Variants in KLF15 observed in about 807,000 individuals in gnomAD.
The protein encoded by KLF15 is Krueppel-like factor 15.
Under a neutral mutation model 24.6 loss-of-function variants are expected in KLF15, and 4 were observed. The ratio of observed to expected loss-of-function variants is 0.16; its 90% CI spans 0.08 to 0.37. KLF15 has a LOEUF of 0.37. Ranked by LOEUF, KLF15 falls within the 10% of genes least tolerant of loss-of-function variation. KLF15 has a pLI of 1.00. For synonymous variants in KLF15, 246 were observed against 236.3 expected, an observed-to-expected ratio of 1.04 and a Z score of -0.37; for missense variants, 496 against 560.6, an observed-to-expected ratio of 0.88 and a Z score of 1.16.
At chr3:126,345,811 G>A (rs2082531335) in intron 2 of KLF15, among the ~76,000 whole-genome samples, 2 of 152,220 alleles carry the variant, frequency 1.3e-5, no homozygotes, top group East Asian at 1.9e-4. Context: ...AGGGCCTGCA[G>A]GAGGAGACAG....
chr3:126,321,668 T>C, the KLF15 span, among the ~76,000 whole-genome samples: 104,061 of 152,142 alleles, frequency 0.68, 36,105 homozygotes, highest in African/African-American at 0.81. Context: ...TGTCCACTAG[T>C]GGACATGTCC....
chr3:126,323,473 T>TTATA, the KLF15 span, among the ~76,000 whole-genome samples: 5 of 64,622 alleles, frequency 7.7e-5, no homozygotes, highest in Non-Finnish European at 1.1e-4. Flanking sequence ...CATATATATG[T>TTATA]TATATATATA....
downstream of KLF15, among the ~76,000 whole-genome samples, chr3:126,341,070 A>G (rs540100807): frequency 2.3e-4 from 35 of 152,294 alleles, 1 homozygote; most frequent in South Asian, 7.0e-3. Flanking sequence ...GGAGCCCAGG[A>G]TCAACAGGCA....
rs772319018 is a variant in KLF15, at chr3:126,351,928, T to A, written c.995A>T (p.Tyr332Phe). Residue 332 changes from tyrosine (Y) to phenylalanine (F), a missense_variant, in exon 2 of 3, where the codon TAC becomes TTC. Transcript: ENST00000296233. ...GGCCTTGAGGTGGCTGCTTTTGGTGTACATCTTGCTGCAGCCAGGGAAAGT... is the reference window on the plus strand; with the variant it reads ...GGCCTTGAGGTGGCTGCTTTTGGTGAACATCTTGCTGCAGCCAGGGAAAGT... ...KCTFPGCSKM[Y>F]TKSSHLKAHL... The A allele has an allele frequency of 1.2e-6, 2 of 1,613,790 alleles. No homozygotes were observed. The highest frequency in any genetic ancestry group is 1.7e-6 in the Non-Finnish European group (2 of 1,179,938).
downstream of KLF15, among the ~76,000 whole-genome samples, chr3:126,341,849 G>A (rs1340412472): frequency 6.6e-6 from 1 of 152,084 alleles, no homozygotes; most frequent in Non-Finnish European, 1.5e-5. Context: ...GCTTCCCACT[G>A]CACATGACTG....
chr3:126,292,111 T>A, the KLF15 span, among the ~76,000 whole-genome samples: 1 of 152,192 alleles, frequency 6.6e-6, no homozygotes, highest in Non-Finnish European at 1.5e-5. Flanking sequence ...GTTTGGTTGA[T>A]TTCTTCTTTC....
chr3:126,328,113 A>G, the KLF15 span, among the ~76,000 whole-genome samples: 2 of 145,246 alleles, frequency 1.4e-5, no homozygotes, highest in South Asian at 2.4e-4. Context: ...CCCAAAGTCC[A>G]TTGTATCATT....
the KLF15 span, among the ~76,000 whole-genome samples, chr3:126,308,214 G>A: frequency 6.6e-6 from 1 of 152,176 alleles, no homozygotes; most frequent in Non-Finnish European, 1.5e-5. Context: ...GGCAGGAAGC[G>A]AATATCGGTG....
chr3:126,296,285 A>G, the KLF15 span, among the ~76,000 whole-genome samples: 33 of 152,078 alleles, frequency 2.2e-4, no homozygotes, highest in Non-Finnish European at 3.7e-4. Flanking sequence ...TCTGCTCACT[A>G]CAAGCTCCAC....
chr3:126,329,869 T>C, the KLF15 span, among the ~76,000 whole-genome samples: 4 of 151,778 alleles, frequency 2.6e-5, no homozygotes, highest in African/African-American at 4.8e-5. Context: ...TTTCCTGCCA[T>C]GTTGCTTGTG....
rs560455051 is a variant in KLF15 at position 126,351,820 on chromosome 3, C to T, written c.1082+21G>A. The T allele has an allele frequency of 7.5e-6, 12 of 1,602,342 alleles. No individual in the cohort carries two copies. The Admixed American group carries it at 1.5e-4, about 21-fold the overall frequency. ...TGAGTGGCTGTGCTCACTGCCCAGG[C>T]CTGTCACTCGCTATACTGACCTCCA... is the stretch of plus-strand genomic sequence containing the variant. On this transcript the variant is annotated intron_variant, in intron 2 of 2. Coordinates refer to ENST00000296233, the MANE Select transcript of KLF15 (RefSeq NM_014079.4).
the KLF15 span, among the ~76,000 whole-genome samples, chr3:126,302,874 G>A: frequency 1.3e-5 from 2 of 152,020 alleles, no homozygotes; most frequent in Non-Finnish European, 2.9e-5. Flanking sequence ...TTTATCTGGA[G>A]TGTCATGACC....
chr3:126,337,654 G>C (rs1001523617), downstream of KLF15, among the ~76,000 whole-genome samples: 7 of 152,096 alleles, frequency 4.6e-5, no homozygotes, highest in African/African-American at 1.7e-4. Context: ...GGTGAAGGGT[G>C]GATATTAAGG....
chr3:126,309,677 AAGG>A, the KLF15 span, among the ~76,000 whole-genome samples: 1 of 152,200 alleles, frequency 6.6e-6, no homozygotes, highest in Admixed American at 6.5e-5. Flanking sequence ...CCCCAAATAA[AAGG>A]AGATGGGTTC....
chr3:126,336,507 A>T, the KLF15 span, among the ~76,000 whole-genome samples: 3 of 73,336 alleles, frequency 4.1e-5, 1 homozygote, highest in South Asian at 1.5e-3. Context: ...TTCAGAACAT[A>T]GGCATGGGCA....
At chr3:126,326,261 T>C in the KLF15 span, among the ~76,000 whole-genome samples, 1 of 134,600 alleles carries the variant, frequency 7.4e-6, no homozygotes, top group African/African-American at 2.9e-5. Context: ...TCCAGCTTTG[T>C]TCTTTTGGCT....
rs775719085 is a variant in KLF15 at position 126,343,853 on chromosome 3, G to A, written c.1125C>T (p.His375=). ...GACACTGGTACGGCTTCACACCTGA[G>A]TGCGAGCGCCTGTGCCGCGACAGCT... ...SDELSRHRRS[H]SGVKPYQCPV... Residue 375 remains histidine, a synonymous_variant, in exon 3 of 3, where the codon CAC becomes CAT. Transcript: ENST00000296233. 2 of 1,605,082 alleles carry A rather than the reference G, an allele frequency of 1.2e-6. No individual in the cohort carries two copies.
the KLF15 span, among the ~76,000 whole-genome samples, chr3:126,289,671 G>A: frequency 4.6e-5 from 7 of 152,318 alleles, no homozygotes; most frequent in Admixed American, 1.3e-4. Context: ...GTAAGCATAG[G>A]TTAATAAATA....
the KLF15 span, among the ~76,000 whole-genome samples, chr3:126,296,102 T>G: frequency 6.6e-6 from 1 of 152,218 alleles, no homozygotes; most frequent in Non-Finnish European, 1.5e-5. Flanking sequence ...TATTTAAATA[T>G]TGCATAATAT....
Sources: allele counts gnomAD v4.1 joint callset (sites outside exome capture counted in the v4.1 genomes callset), GRCh38; gene constraint gnomAD v4.1.1; transcripts MANE v1.5; gene names NCBI Gene and HGNC (gene_info 2026-07-23, HGNC 2026-07-21).